Variants in CCSER1 observed in about 807,000 individuals in gnomAD.
CCSER1 encodes coiled-coil serine rich protein 1.
CCSER1 carries 41 observed loss-of-function variants against 82.0 expected under a neutral mutation model. That is an observed-to-expected ratio of 0.50 (90% CI 0.39 to 0.65). The LOEUF is 0.65. Ranked by LOEUF, CCSER1 falls within the 30% of genes least tolerant of loss-of-function variation. The probability of loss-of-function intolerance (pLI) is 0.00; values close to 1 mark genes in which losing one functional copy is unlikely to be tolerated. For missense variants in CCSER1, 1,119 were observed against 1,064.2 expected (o/e 1.05, Z -0.72); for synonymous variants, 414 against 383.9 (o/e 1.08, Z -0.92).
At chr4:90,263,424 C>A (rs1724692758) in intron 1 of CCSER1, among the ~76,000 whole-genome samples, 1 of 152,158 alleles carries the variant, frequency 6.6e-6, no homozygotes, top group Non-Finnish European at 1.5e-5. Flanking sequence ...GTGATGTAGA[C>A]CCTGTGAGAT....
intron 1 of CCSER1, among the ~76,000 whole-genome samples, chr4:90,156,904 G>A (rs778908019): frequency 2.0e-5 from 3 of 152,094 alleles, no homozygotes; most frequent in African/African-American, 4.8e-5. Flanking sequence ...GTGTGAATTC[G>A]ATCCTGTCAT....
chr4:90,225,047 T>C (rs191970787), intron 1 of CCSER1, among the ~76,000 whole-genome samples: 5 of 151,982 alleles, frequency 3.3e-5, no homozygotes, highest in Admixed American at 3.3e-4. Context: ...TTCCTGAGTT[T>C]AAAATGACTT....
chr4:90,848,354 T>C (rs1369640887), intron 8 of CCSER1, among the ~76,000 whole-genome samples: 6 of 152,162 alleles, frequency 3.9e-5, no homozygotes, highest in Non-Finnish European at 8.8e-5. Context: ...AGAAAATGGC[T>C]CTAAGATATA....
intron 10 of CCSER1, among the ~76,000 whole-genome samples, chr4:91,474,806 T>C (rs373179765): frequency 0.013 from 878 of 65,808 alleles, 6 homozygotes; most frequent in Middle Eastern, 0.09. Context: ...TATATATATA[T>C]ATATATACAC....
At chr4:91,208,184 C>T (rs1009147554) in intron 10 of CCSER1, among the ~76,000 whole-genome samples, 3 of 151,806 alleles carry the variant, frequency 2.0e-5, no homozygotes, top group African/African-American at 7.3e-5. Context: ...CTGTAGGTTG[C>T]CTGTTTACTC....
At position 90,250,955 on chromosome 4, in the gene CCSER1, T is replaced by G. The variant is rs193053089; in HGVS notation, c.-41-57289T>G. The stretch of plus-strand genomic sequence containing the variant: ...TTTTTCTTGTGAATGCTACTGTAAA[T>G]GGAGGACTATTTTCTTAACTCATTT... On this transcript the variant is annotated intron_variant, in intron 1 of 10. Coordinates refer to ENST00000509176, the MANE Select transcript of CCSER1 (RefSeq NM_001145065.2). Among the ~76,000 whole-genome samples the G allele has an allele frequency of 1.9e-4, 29 of 152,118 alleles. 1 individual carries two copies. The East Asian group carries it at 5.2e-3, about 27-fold the overall frequency.
At chr4:90,347,974 A>G (rs1452043223) in intron 3 of CCSER1, among the ~76,000 whole-genome samples, 2 of 152,156 alleles carry the variant, frequency 1.3e-5, no homozygotes, top group African/African-American at 2.4e-5. Context: ...AGGGACATAG[A>G]TGGAGCTGGA....
At chr4:91,425,341 A>G (rs140783731) in intron 10 of CCSER1, among the ~76,000 whole-genome samples, 20 of 152,264 alleles carry the variant, frequency 1.3e-4, no homozygotes, top group African/African-American at 4.8e-4. Context: ...TTTCATTCCC[A>G]TCAGAATGTC....
chr4:90,783,938 T>C (rs2904366), intron 7 of CCSER1, among the ~76,000 whole-genome samples: 89,532 of 151,872 alleles, frequency 0.59, 26,713 homozygotes, highest in African/African-American at 0.68. Context: ...GAATTATAGC[T>C]GAGAGAGCTG....
intron 1 of CCSER1, among the ~76,000 whole-genome samples, chr4:90,240,341 A>G (rs2153434002): frequency 6.6e-6 from 1 of 152,272 alleles, no homozygotes; most frequent in Middle Eastern, 3.4e-3. Context: ...TCTGATGGGC[A>G]TTTCTTTCTG....
intron 6 of CCSER1, among the ~76,000 whole-genome samples, chr4:90,662,705 T>A (rs1485861838): frequency 2.6e-5 from 4 of 152,154 alleles, no homozygotes; most frequent in Non-Finnish European, 5.9e-5. Flanking sequence ...AAATTATAAA[T>A]AATTAAAACC....
At chr4:91,170,481 G>A (rs1320101668) in intron 10 of CCSER1, among the ~76,000 whole-genome samples, 2 of 152,100 alleles carry the variant, frequency 1.3e-5, no homozygotes, top group African/African-American at 4.8e-5. Context: ...GAAACATCAT[G>A]AATAACCTCT....
chr4:90,429,226 A>C (rs1437227598), intron 4 of CCSER1, among the ~76,000 whole-genome samples: 1 of 151,846 alleles, frequency 6.6e-6, no homozygotes, highest in African/African-American at 2.4e-5. Context: ...TTTCAAAATT[A>C]GGGTCAAATG....
intron 10 of CCSER1, among the ~76,000 whole-genome samples, chr4:91,391,853 C>T (rs1017938994): frequency 3.9e-5 from 6 of 152,000 alleles, no homozygotes; most frequent in South Asian, 2.1e-4. Flanking sequence ...AAATATTTTT[C>T]AATTTAATTT....
At chr4:91,551,656 AACAC>A (rs58159693) in intron 10 of CCSER1, among the ~76,000 whole-genome samples, 25,360 of 139,266 alleles carry the variant, frequency 0.18, 2,230 homozygotes, top group African/African-American at 0.23. Context: ...GCAAAAAACA[AACAC>A]ACACACACAC....
chr4:90,696,175 C>T, intron 6 of CCSER1, among the ~76,000 whole-genome samples: 1 of 152,038 alleles, frequency 6.6e-6, no homozygotes. Flanking sequence ...AAGTGTGCCA[C>T]CAGTCAAGGT....
chr4:91,495,230 T>C (rs1315924100), intron 10 of CCSER1, among the ~76,000 whole-genome samples: 3 of 151,760 alleles, frequency 2.0e-5, no homozygotes, highest in African/African-American at 7.2e-5. Flanking sequence ...TCATTAAGTA[T>C]GTCATTAGGT....
Position 90,574,714 on chromosome 4 carries a change from A to T in CCSER1, c.1725-53311A>T, listed in dbSNP as rs188298093. On this transcript the variant is annotated intron_variant, in intron 5 of 10. Transcript: ENST00000509176. ...GGCACTCAGTAAATATCTTCAAATT[A>T]TAAATAATAATAATAATTTAAATAA... Among the ~76,000 whole-genome samples, 114 of 151,914 alleles carry T rather than the reference A, an allele frequency of 7.5e-4. 1 individual carries two copies. In the East Asian group the frequency reaches 0.014, roughly 19 times the overall value.
chr4:90,958,638 A>G (rs1394618987), intron 9 of CCSER1, among the ~76,000 whole-genome samples: 2 of 152,098 alleles, frequency 1.3e-5, no homozygotes, highest in Non-Finnish European at 1.5e-5. Context: ...CTTGGGAGAT[A>G]ATTAGGATCA....
Sources: gnomAD v4.1 joint callset for allele counts (sites outside exome capture counted in the v4.1 genomes callset) on GRCh38, gnomAD v4.1.1 for gene constraint, MANE v1.5 for transcripts, NCBI Gene and HGNC (gene_info 2026-07-23, HGNC 2026-07-21) for gene names.